DLG3: variants seen among roughly 807,000 people sequenced by gnomAD.
DLG3 encodes the protein discs large MAGUK scaffold protein 3, also known as disks large homolog 3.
A neutral mutation model predicts 64.1 loss-of-function variants in DLG3; 1 was observed. The observed-to-expected ratio is 0.02, with a 90% confidence interval of 0.01 to 0.07. The LOEUF is 0.07. Ranked by LOEUF, DLG3 falls within the 10% of genes least tolerant of loss-of-function variation. DLG3 has a pLI of 1.00. For missense variants in DLG3, 429 were observed against 669.5 expected, an observed-to-expected ratio of 0.64 and a Z score of 3.96; for synonymous variants, 245 against 259.8, an observed-to-expected ratio of 0.94 and a Z score of 0.55.
intron 10 of DLG3, among the ~76,000 whole-genome samples, chrX:70,487,681 T>C (rs2087278524): frequency 8.9e-6 from 1 of 112,564 alleles, no homozygotes; most frequent in Non-Finnish European, 1.9e-5. Context: ...GACAGAGTTT[T>C]GCTCTTGTCG....
intron 1 of DLG3, 93 bp from the exon 2 acceptor site, chrX:70,448,820 C>A: frequency 9.1e-7 from 1 of 1,098,905 alleles, no homozygotes; most frequent in Non-Finnish European, 1.2e-6. Context: ...GGCTCTTCTA[C>A]TCTGTGGGAG....
intron 1 of DLG3, among the ~76,000 whole-genome samples, chrX:70,448,310 T>C (rs1163258648): frequency 8.9e-6 from 1 of 112,194 alleles, no homozygotes; most frequent in African/African-American, 3.2e-5. Context: ...GATATCCTAT[T>C]GCTCTGTCAC....
rs1751893981 is a variant in DLG3 at position 70,479,209 on chromosome X, A to G, written c.1465A>G (p.Met489Val). Residue 489 changes from methionine (M) to valine (V), a missense_variant, in exon 10 of 19, where the codon ATG becomes GTG. Transcript: ENST00000374360. ...DLREQMMNSS[M>V]SSGSGSLRTS... ...ACGAGAACAAATGATGAACAGCAGC[A>G]TGAGCTCTGGGTCTGGGTCCCTCCG... 8.3e-7 allele frequency: 1 copy of G among 1,210,217 alleles called. No individual in the cohort carries two copies. The highest frequency in any genetic ancestry group is 1.7e-5 in the African/African-American group (1 of 57,308).
At chrX:70,489,582 C>A (rs1443349565) in intron 10 of DLG3, among the ~76,000 whole-genome samples, 1 of 111,999 alleles carries the variant, frequency 8.9e-6, no homozygotes, top group African/African-American at 3.2e-5. Flanking sequence ...GGATTACAGG[C>A]GTGAGCCACC....
At chrX:70,499,774 G>T (rs758799909) in intron 15 of DLG3, 103 bp from the exon 16 acceptor site, 1 of 843,841 alleles carries the variant, frequency 1.2e-6, no homozygotes, top group Non-Finnish European at 1.7e-6. Context: ...AAAAAATGGA[G>T]TGGCCCAGTG....
chrX:70,451,287 G>C (rs1351182575), intron 6 of DLG3, among the ~76,000 whole-genome samples: 1 of 110,874 alleles, frequency 9.0e-6, no homozygotes, highest in Non-Finnish European at 1.9e-5. Context: ...ATTTTTAGTA[G>C]AGACGGGGTT....
At chrX:70,461,913 A>T (rs2086808027) in intron 9 of DLG3, among the ~76,000 whole-genome samples, 1 of 111,181 alleles carries the variant, frequency 9.0e-6, no homozygotes, top group Admixed American at 9.7e-5. Flanking sequence ...TTCACATGCT[A>T]CAATGCACTC....
At chrX:70,482,455 G>T (rs2087170785) in intron 10 of DLG3, among the ~76,000 whole-genome samples, 2 of 111,138 alleles carry the variant, frequency 1.8e-5, no homozygotes, top group Non-Finnish European at 3.8e-5. Flanking sequence ...CCATTTTGCA[G>T]ATGAGAAAAC....
intron 13 of DLG3, among the ~76,000 whole-genome samples, chrX:70,496,123 C>G (rs1209764251): frequency 8.9e-6 from 1 of 112,543 alleles, no homozygotes; most frequent in East Asian, 2.8e-4. Flanking sequence ...ATGAAAAAGA[C>G]CTAGATGATG....
chrX:70,470,354 CT>C (rs906935764), intron 9 of DLG3, among the ~76,000 whole-genome samples: 3 of 110,704 alleles, frequency 2.7e-5, no homozygotes, highest in African/African-American at 9.9e-5. Context: ...CCTCAGCCTC[CT>C]GAGTAGCAGA....
intron 15 of DLG3, 75 bp downstream of exon 15, chrX:70,499,352 G>A (rs192028673): frequency 3.7e-6 from 3 of 801,310 alleles, no homozygotes; most frequent in Admixed American, 4.7e-5. Flanking sequence ...TTATGGAAAA[G>A]GTCTGGGATC....
chrX:70,461,133 G>A (rs1406976681), intron 9 of DLG3, among the ~76,000 whole-genome samples: 1 of 111,666 alleles, frequency 9.0e-6, no homozygotes, highest in African/African-American at 3.3e-5. Context: ...TGGTGGAATG[G>A]CCAGGCTGCT....
At chrX:70,500,109 G>A in intron 16 of DLG3, 60 bp downstream of exon 16, 1 of 1,067,373 alleles carries the variant, frequency 9.4e-7, no homozygotes, top group Admixed American at 2.3e-5. Context: ...GGTTCCACTT[G>A]GATCCTTATC....
At chrX:70,475,444 G>A (rs1021753470) in intron 9 of DLG3, among the ~76,000 whole-genome samples, 1 of 110,843 alleles carries the variant, frequency 9.0e-6, no homozygotes, top group African/African-American at 3.3e-5. Flanking sequence ...TGCAACCCTC[G>A]CCTCCCAGGT....
chrX:70,446,283 G>A (rs1260197497), intron 1 of DLG3, among the ~76,000 whole-genome samples: 2 of 110,814 alleles, frequency 1.8e-5, no homozygotes, highest in African/African-American at 6.6e-5. Context: ...GTTTGTATGT[G>A]TTGTCTCTGG....
chrX:70,466,116 A>G (rs1241284407), intron 9 of DLG3, among the ~76,000 whole-genome samples: 4 of 112,081 alleles, frequency 3.6e-5, no homozygotes, highest in African/African-American at 1.3e-4. Flanking sequence ...ACTAATGTGG[A>G]GTATTATTTT....
At position 70,492,228 on chromosome X, in the gene DLG3, C is replaced by T; in HGVS notation, c.1642C>T (p.Leu548=). 4 of 1,211,433 alleles carry T rather than the reference C, an allele frequency of 3.3e-6. No homozygotes were observed. The highest frequency in any genetic ancestry group is 1.7e-5 in the African/African-American group (1 of 57,799). Residue 548 remains leucine (L), a synonymous_variant, in exon 11 of 19, where the codon CTG becomes TTG. Coordinates refer to ENST00000374360, the MANE Select transcript of DLG3 (RefSeq NM_021120.4). ...ASDDEWWQAR[L]VTPHGESEQI... is the part of the protein sequence containing the mutation. ...TGATGATGAGTGGTGGCAGGCAAGG[C>T]TGGTGACCCCACACGGAGAAAGTGA...
Position 70,449,448 on chromosome X carries a change from C to T in DLG3, c.498C>T (p.Ile166=). The T allele has an allele frequency of 1.7e-6, 2 of 1,211,476 alleles. No individual in the cohort carries two copies. Among genetic ancestry groups the T allele is most frequent in the Non-Finnish European group, 2.2e-6 (2 of 895,344 alleles). Residue 166 remains isoleucine (I), a synonymous_variant, in exon 3 of 19, where the codon ATC becomes ATT. Coordinates refer to ENST00000374360, the MANE Select transcript of DLG3 (RefSeq NM_021120.4). ...DDPGIFITKI[I]PGGAAAMDGR... ...CTGGCATCTTTATTACCAAGATTATCCCTGGTGGAGCAGCTGCCATGGATG... is the reference window on the plus strand; with the variant it reads ...CTGGCATCTTTATTACCAAGATTATTCCTGGTGGAGCAGCTGCCATGGATG...
rs1046661365 is a variant in DLG3, at chrX:70,504,352, C to T, written c.*2083C>T. The T allele has an allele frequency of 1.8e-5, 2 of 112,354 alleles. No homozygotes were observed. Among genetic ancestry groups the T allele is most frequent in the African/African-American group, 3.2e-5 (1 of 30,794 alleles). The allele number at this position is 112,354 out of a possible 1,213,427, so 9.3% of individuals were successfully genotyped here. ...AAGGAGACATATATTTTTTAATAAACGATAGTTGCAATGAACTGTGGCTCA... is the reference window on the plus strand; with the variant it reads ...AAGGAGACATATATTTTTTAATAAATGATAGTTGCAATGAACTGTGGCTCA... On this transcript the variant is annotated 3_prime_UTR_variant, in exon 19 of 19. Transcript: ENST00000374360.
Sources: allele counts gnomAD v4.1 joint callset (sites outside exome capture counted in the v4.1 genomes callset), GRCh38; gene constraint gnomAD v4.1.1; transcripts MANE v1.5; gene names NCBI Gene and HGNC (gene_info 2026-07-23, HGNC 2026-07-21).